Variants in ERGIC1 observed in about 807,000 individuals in gnomAD.
ERGIC1 encodes the protein endoplasmic reticulum-Golgi intermediate compartment protein 1.
Under a neutral mutation model 38.3 loss-of-function variants are expected in ERGIC1, and 19 were observed. The ratio of observed to expected loss-of-function variants is 0.50; its 90% CI spans 0.35 to 0.73. ERGIC1 has a LOEUF of 0.73. Among genes scored for constraint, ERGIC1 ranks in the 30% least tolerant of loss-of-function variants. The probability of loss-of-function intolerance (pLI) is 0.01; values close to 1 mark genes in which losing one functional copy is unlikely to be tolerated. For missense variants in ERGIC1, 294 were observed against 389.2 expected (o/e 0.76, Z 2.06); for synonymous variants, 124 against 157.6 (o/e 0.79, Z 1.60).
rs792967 is a variant in ERGIC1, at chr5:172,846,690, A to G, written c.20+12257A>G. 0.28 allele frequency among the ~76,000 whole-genome samples: 42,917 copies of G among 152,054 alleles called. 6,500 individuals are homozygous for G. Among genetic ancestry groups the G allele is most frequent in the East Asian group, 0.39 (2,010 of 5,170 alleles). ...ATAGGAAGGTTTCTCCTGGCGCAGG[A>G]AAGTGTTTTAAGAGGTGAGCATGAG... On this transcript the variant is annotated intron_variant, in intron 1 of 9. Coordinates refer to ENST00000393784, the MANE Select transcript of ERGIC1 (RefSeq NM_001031711.3). This position sits in a 1 kb window ranked among gnomAD's most constrained non-coding sequence, Gnocchi z 4.0.
chr5:172,883,923 G>A (rs1561716513), intron 1 of ERGIC1, among the ~76,000 whole-genome samples: 1 of 152,268 alleles, frequency 6.6e-6, no homozygotes, highest in East Asian at 1.9e-4. Flanking sequence ...GGTTGAGGCT[G>A]CAGTGAGTCA....
chr5:172,880,000 C>T (rs985628687), intron 1 of ERGIC1, among the ~76,000 whole-genome samples: 7 of 152,124 alleles, frequency 4.6e-5, no homozygotes, highest in Admixed American at 4.6e-4. Flanking sequence ...GATTGGAAAG[C>T]TTTTTAGTGG....
chr5:172,852,900 A>G (rs1460936318), intron 1 of ERGIC1, among the ~76,000 whole-genome samples: 1 of 152,250 alleles, frequency 6.6e-6, no homozygotes, highest in Non-Finnish European at 1.5e-5. Context: ...GGTTCCCACA[A>G]AGGACTCTGG....
intron 9 of ERGIC1, among the ~76,000 whole-genome samples, chr5:172,939,019 C>T (rs949816081): frequency 6.6e-6 from 1 of 151,560 alleles, no homozygotes; most frequent in Non-Finnish European, 1.5e-5. Context: ...GCCGAGATCA[C>T]GCCACTGCAC....
rs1420514327 is a variant in ERGIC1 at position 172,893,884 on chromosome 5, T to C, written c.83-3118T>C. On this transcript the variant is annotated intron_variant, in intron 2 of 9. Coordinates refer to ENST00000393784, the MANE Select transcript of ERGIC1 (RefSeq NM_001031711.3). ...ACTTAGGGGGATATATATATATATATATATATATATATATATATATATGTG... is the reference window on the plus strand; with the variant it reads ...ACTTAGGGGGATATATATATATATACATATATATATATATATATATATGTG... Among the ~76,000 whole-genome samples the C allele has an allele frequency of 2.3e-4, 3 of 13,316 alleles. 1 individual carries two copies. Among genetic ancestry groups the C allele is most frequent in the African/African-American group, 3.0e-4 (2 of 6,694 alleles). The allele number at this position is 13,316 out of a possible 152,430, so 8.7% of individuals were successfully genotyped here. A position where few individuals can be genotyped will look rare whatever the true frequency, so the allele number is the denominator to read the frequency against.
At chr5:172,923,874 T>C in intron 5 of ERGIC1, 131 bp from the exon 6 acceptor site, 1 of 784,244 alleles carries the variant, frequency 1.3e-6, no homozygotes, top group Non-Finnish European at 2.1e-6. Flanking sequence ...CAGTTGAAAA[T>C]GATACAAGCA....
intron 1 of ERGIC1, among the ~76,000 whole-genome samples, chr5:172,860,954 C>A (rs924673016): frequency 6.6e-6 from 1 of 152,176 alleles, no homozygotes; most frequent in African/African-American, 2.4e-5. Flanking sequence ...GGCTGGAGAC[C>A]GGCCCTGGCA....
Position 172,932,421 on chromosome 5 carries a change from G to A in ERGIC1, c.542-15G>A. ...GCCCGTCCCCCTGCTTCATTCTGCT[G>A]TGTCCTTCCCGCAGCCCTGGCCTCC... On this transcript the variant is annotated splice_polypyrimidine_tract_variant and intron_variant, in intron 7 of 9. Transcript: ENST00000393784. 1.9e-6 allele frequency: 3 copies of A among 1,613,758 alleles called. No homozygotes were observed. In the South Asian group the frequency reaches 3.3e-5, roughly 18 times the overall value.
At chr5:172,842,393 A>T (rs115823059) in intron 1 of ERGIC1, among the ~76,000 whole-genome samples, 2,478 of 152,324 alleles carry the variant, frequency 0.016, 43 homozygotes, top group Non-Finnish European at 0.026. Flanking sequence ...TAATATTTCA[A>T]GGTGTATATA....
intron 9 of ERGIC1, among the ~76,000 whole-genome samples, chr5:172,943,062 C>G (rs1025787119): frequency 3.3e-5 from 5 of 152,152 alleles, no homozygotes; most frequent in African/African-American, 1.2e-4. Flanking sequence ...TCCTTGCTTA[C>G]TCGGTAGCCC....
At chr5:172,847,438 T>A (rs1463647163) in intron 1 of ERGIC1, among the ~76,000 whole-genome samples, 3 of 152,214 alleles carry the variant, frequency 2.0e-5, no homozygotes, top group Admixed American at 2.0e-4. Flanking sequence ...CAGTGGTTTT[T>A]ACCCTTCCAC....
intron 2 of ERGIC1, among the ~76,000 whole-genome samples, chr5:172,889,726 C>T (rs570979893): frequency 1.7e-4 from 26 of 152,268 alleles, no homozygotes; most frequent in Middle Eastern, 3.4e-3. Flanking sequence ...AATATACAGG[C>T]TGAGTATCTC....
chr5:172,887,577 G>A (rs1463859871), intron 1 of ERGIC1, among the ~76,000 whole-genome samples: 1 of 152,212 alleles, frequency 6.6e-6, no homozygotes, highest in Non-Finnish European at 1.5e-5. Flanking sequence ...TTGAACCAGG[G>A]TAGTCTGATT....
chr5:172,855,988 C>T (rs965923138), intron 1 of ERGIC1, among the ~76,000 whole-genome samples: 3 of 152,224 alleles, frequency 2.0e-5, no homozygotes, highest in Non-Finnish European at 4.4e-5. Context: ...TTGAAAATGT[C>T]GACCTTTAGT....
rs546534751 is a variant in ERGIC1 at position 172,932,565 on chromosome 5, T to C, written c.642+29T>C. The stretch of plus-strand genomic sequence containing the variant: ...CGCGGGCGGTGGCTGGGCCGAGCTG[T>C]GTGCGGCGGCGCCCTCTGCTGACGG... On this transcript the variant is annotated intron_variant, in intron 8 of 9. Coordinates refer to ENST00000393784, the MANE Select transcript of ERGIC1 (RefSeq NM_001031711.3). The C allele has an allele frequency of 4.8e-4, 765 of 1,606,804 alleles. 5 individuals are homozygous for C. In the South Asian group the frequency reaches 6.2e-3, roughly 13 times the overall value.
At chr5:172,935,036 G>A (rs1763857131) in intron 8 of ERGIC1, 152 bp from the exon 9 acceptor site, 1 of 1,094,708 alleles carries the variant, frequency 9.1e-7, no homozygotes, top group Non-Finnish European at 1.4e-6. Flanking sequence ...CAGGGGAAGG[G>A]ATGTGAGAGA....
chr5:172,908,176 A>T (rs1240524476), intron 3 of ERGIC1, among the ~76,000 whole-genome samples: 1 of 150,092 alleles, frequency 6.7e-6, no homozygotes, highest in Admixed American at 6.7e-5. Flanking sequence ...GGATCTCGAG[A>T]TGGGGAGAGG....
intron 3 of ERGIC1, among the ~76,000 whole-genome samples, chr5:172,903,235 TG>T (rs1198910968): frequency 6.6e-6 from 1 of 152,178 alleles, no homozygotes; most frequent in Non-Finnish European, 1.5e-5. Context: ...GCCCTCGTCC[TG>T]GGGGTGTTGA....
intron 5 of ERGIC1, chr5:172,921,698 CT>C (rs1427549337): frequency 1.3e-5 from 2 of 152,450 alleles, no homozygotes; most frequent in East Asian, 3.9e-4. Context: ...CCTTGTGCCT[CT>C]TTGTTTCCTG....
Sources: gnomAD v4.1 joint callset for allele counts (sites outside exome capture counted in the v4.1 genomes callset) on GRCh38, gnomAD v4.1.1 for gene constraint, Gnocchi (gnomAD v3.1) non-coding constraint, MANE v1.5 for transcripts, NCBI Gene and HGNC (gene_info 2026-07-23, HGNC 2026-07-21) for gene names.